Variants in DKK3 observed in about 807,000 individuals in gnomAD.
The protein encoded by DKK3 is dickkopf Wnt signaling pathway inhibitor 3, also known as dickkopf-related protein 3.
DKK3 carries 22 observed loss-of-function variants against 33.2 expected under a neutral mutation model. That is an observed-to-expected ratio of 0.66 (90% confidence interval 0.47 to 0.95). The LOEUF is 0.95. Ranked by LOEUF, DKK3 falls within the 40% of genes least tolerant of loss-of-function variation. DKK3 has a pLI of 0.00. For missense variants in DKK3, 398 were observed against 458.4 expected (o/e 0.87, Z 1.20); for synonymous variants, 194 against 188.8 (o/e 1.03, Z -0.23).
intron 1 of DKK3, among the ~76,000 whole-genome samples, chr11:12,005,041 G>A (rs1283646956): frequency 1.3e-5 from 2 of 152,172 alleles, no homozygotes; most frequent in Non-Finnish European, 2.9e-5. Flanking sequence ...AAACGCAGCT[G>A]GGAAGAGAAG....
At chr11:11,968,224 A>T (rs1457750942) in intron 4 of DKK3, among the ~76,000 whole-genome samples, 171 bp downstream of exon 4, 1 of 152,100 alleles carries the variant, frequency 6.6e-6, no homozygotes, top group African/African-American at 2.4e-5. Context: ...CCCAAACTGG[A>T]ATGAGTTCCT....
At chr11:11,968,333 G>T in intron 4 of DKK3, 62 bp downstream of exon 4, 2 of 1,514,962 alleles carry the variant, frequency 1.3e-6, no homozygotes, top group Non-Finnish European at 1.8e-6. Context: ...GGGGCCCCTG[G>T]CTTTCTCCCC....
intron 3 of DKK3, among the ~76,000 whole-genome samples, chr11:11,981,576 C>T (rs1847954942): frequency 1.3e-5 from 2 of 152,168 alleles, no homozygotes; most frequent in South Asian, 4.1e-4. Flanking sequence ...AGGTGATGAT[C>T]TCAGAGCTTG....
At position 12,008,414 on chromosome 11, in the gene DKK3, G is replaced by T. The variant is rs768176774; in HGVS notation, c.169C>A (p.Leu57Met). 10 of 1,610,694 alleles carry T rather than the reference G, an allele frequency of 6.2e-6. No homozygotes were observed. The highest frequency in any genetic ancestry group is 8.5e-6 in the Non-Finnish European group (10 of 1,179,270). Residue 57 changes from leucine (L) to methionine (M), a missense_variant, in exon 1 of 7, where the codon CTG becomes ATG. Leu to Met is a conservative substitution (Grantham distance 15). Coordinates refer to ENST00000683431, the MANE Select transcript of DKK3 (RefSeq NM_001018057.2). The surrounding 1 kb of genome is among the most constrained non-coding windows in gnomAD (Gnocchi z 4.6). ...AATTTGTGCTGCGTGTCCTCCATCA[G>T]TTCCTCAACCTCGCGGAACATCTCA... ...LNEMFREVEELMEDTQHKLRS... is the reference protein window; with the variant it reads ...LNEMFREVEEMMEDTQHKLRS...
intron 3 of DKK3, among the ~76,000 whole-genome samples, chr11:11,990,064 A>G (rs1848156750): frequency 6.6e-6 from 1 of 152,172 alleles, no homozygotes; most frequent in Non-Finnish European, 1.5e-5. Flanking sequence ...AGTTTTTTGG[A>G]ATGATGCCAA....
intron 4 of DKK3, among the ~76,000 whole-genome samples, chr11:11,967,394 T>C (rs951739918): frequency 3.3e-5 from 5 of 152,194 alleles, no homozygotes; most frequent in African/African-American, 9.7e-5. Flanking sequence ...CCCACAGACT[T>C]GTGCTGTTCC....
intron 3 of DKK3, among the ~76,000 whole-genome samples, chr11:11,990,685 C>A (rs1590536384): frequency 3.3e-5 from 5 of 152,342 alleles, no homozygotes; most frequent in Admixed American, 3.3e-4. Flanking sequence ...GCTTTACTTG[C>A]TGCTCCCCCA....
At chr11:11,984,453 T>C (rs1404237756) in intron 3 of DKK3, among the ~76,000 whole-genome samples, 5 of 152,192 alleles carry the variant, frequency 3.3e-5, no homozygotes, top group Admixed American at 1.3e-4. Flanking sequence ...TTGTGGTTTG[T>C]TGTCCACATT....
chr11:11,965,690 C>T lies in DKK3; in HGVS notation c.830+119G>A, dbSNP rs182375599. 2.5e-4 allele frequency: 331 copies of T among 1,320,756 alleles called. 1 individual carries two copies. The Middle Eastern group carries it at 3.8e-3, about 15-fold the overall frequency. 81.8% of individuals were successfully genotyped at this position (1,320,756 alleles called of 1,614,324 possible). On this transcript the variant is annotated intron_variant, in intron 6 of 6. Coordinates refer to ENST00000683431, the MANE Select transcript of DKK3 (RefSeq NM_001018057.2). ...CTGCATGACCCAACGACCTCTCAAA[C>T]CAATCCTAAAGGGAATCTACACCTC...
At chr11:12,005,169 C>T (rs1490083917) in intron 1 of DKK3, among the ~76,000 whole-genome samples, 1 of 152,192 alleles carries the variant, frequency 6.6e-6, no homozygotes, top group Admixed American at 6.5e-5. Flanking sequence ...CTAGAATTTG[C>T]TCTGGGCTGA....
chr11:11,983,326 T>G (rs1010018840), intron 3 of DKK3, among the ~76,000 whole-genome samples: 1 of 152,208 alleles, frequency 6.6e-6, no homozygotes, highest in African/African-American at 2.4e-5. Context: ...CAGGAGACAG[T>G]GCTTCTGAGA....
At position 12,008,121 on chromosome 11, in the gene DKK3, T is replaced by C. The variant is rs572985500; in HGVS notation, c.213+249A>G. ...CAGGCAGGTGGTGGCCCCAGCTACC[T>C]AGGGAGGGTCCAGTGCAGAGCCTCT... On this transcript the variant is annotated intron_variant, in intron 1 of 6. Coordinates refer to ENST00000683431, the MANE Select transcript of DKK3 (RefSeq NM_001018057.2). The surrounding 1 kb of genome is among the most constrained non-coding windows in gnomAD (Gnocchi z 4.6). 2.0e-5 allele frequency among the ~76,000 whole-genome samples: 3 copies of C among 150,352 alleles called. No individual in the cohort carries two copies. Among genetic ancestry groups the C allele is most frequent in the East Asian group, 2.0e-4 (1 of 5,004 alleles).
chr11:11,998,611 T>C (rs1194147850), intron 3 of DKK3, 85 bp downstream of exon 3: 6 of 1,184,976 alleles, frequency 5.1e-6, no homozygotes, highest in African/African-American at 4.5e-5. Context: ...CTGCCCATGG[T>C]CTGCATCTGA....
At chr11:11,982,577 C>T (rs556466476) in intron 3 of DKK3, among the ~76,000 whole-genome samples, 31 of 152,344 alleles carry the variant, frequency 2.0e-4, no homozygotes, top group African/African-American at 7.0e-4. Flanking sequence ...ATTGGCGGAC[C>T]TCTCAGAGCT....
chr11:12,008,365 C>T lies in DKK3; in HGVS notation c.213+5G>A. ...CAGAGCCCCGCGCCGCCAGGGCGCA[C>T]CCACCTCTTCCACCGCGCTGCGCAA... On this transcript the variant is annotated splice_donor_5th_base_variant and intron_variant, in intron 1 of 6. Coordinates refer to ENST00000683431, the MANE Select transcript of DKK3 (RefSeq NM_001018057.2). The surrounding 1 kb of genome is among the most constrained non-coding windows in gnomAD (Gnocchi z 4.6). 2 of 1,602,376 alleles carry T rather than the reference C, an allele frequency of 1.2e-6. No homozygotes were observed. The highest frequency in any genetic ancestry group is 1.7e-6 in the Non-Finnish European group (2 of 1,177,494).
intron 2 of DKK3, 42 bp from the exon 3 acceptor site, chr11:11,998,821 T>A: frequency 5.9e-6 from 9 of 1,513,700 alleles, no homozygotes; most frequent in Non-Finnish European, 7.3e-6. Context: ...TAGAAGGAAT[T>A]CTGGACAAAT....
At chr11:11,965,560 C>A (rs1590494067) in intron 6 of DKK3, among the ~76,000 whole-genome samples, 1 of 152,162 alleles carries the variant, frequency 6.6e-6, no homozygotes, top group East Asian at 1.9e-4. Context: ...ATGGACCATC[C>A]ACTCATGAAG....
At chr11:11,970,016 A>T (rs2135000283) in intron 3 of DKK3, among the ~76,000 whole-genome samples, 2 of 152,340 alleles carry the variant, frequency 1.3e-5, no homozygotes, top group Middle Eastern at 6.8e-3. Flanking sequence ...GCTGGGAACA[A>T]ATCACAGACG....
At chr11:11,992,271 C>T (rs1848203292) in intron 3 of DKK3, among the ~76,000 whole-genome samples, 1 of 152,124 alleles carries the variant, frequency 6.6e-6, no homozygotes. Flanking sequence ...TGTTATTAAG[C>T]CCATTTTACA....
Sources: gnomAD v4.1 joint callset for allele counts (sites outside exome capture counted in the v4.1 genomes callset) on GRCh38, gnomAD v4.1.1 for gene constraint, Gnocchi (gnomAD v3.1) non-coding constraint, MANE v1.5 for transcripts, NCBI Gene and HGNC (gene_info 2026-07-23, HGNC 2026-07-21) for gene names.